Variants in PHLPP1 observed in about 807,000 individuals in gnomAD.
PHLPP1 encodes the protein PH domain and leucine rich repeat protein phosphatase 1, also known as PH domain leucine-rich repeat-containing protein phosphatase 1.
In PHLPP1, 42 loss-of-function variants were observed where a neutral mutation model predicts 117.2. That is an observed-to-expected ratio of 0.36 (90% confidence interval 0.28 to 0.46). The LOEUF (loss-of-function observed/expected upper bound fraction) is 0.46, where lower values mean the gene tolerates loss of function less well. Among genes scored for constraint, PHLPP1 ranks in the 20% least tolerant of loss-of-function variants. The pLI, the probability that PHLPP1 is intolerant of heterozygous loss-of-function variation, is 1.00. For missense variants in PHLPP1, 2,084 were observed against 2,241.9 expected (o/e 0.93, Z 1.42); for synonymous variants, 1,042 against 970.7 (o/e 1.07, Z -1.37).
rs565844248 is a variant in PHLPP1 at position 62,875,908 on chromosome 18, T to G, written c.2066+15307T>G. ...CCACCACATCCGGCTAATTTTTGTA[T>G]TTTTAGTAAAGACGGGGTTTCACCA... is the stretch of plus-strand genomic sequence containing the variant. On this transcript the variant is annotated intron_variant, in intron 4 of 16. Coordinates refer to ENST00000262719, the MANE Select transcript of PHLPP1 (RefSeq NM_194449.4). Among the ~76,000 whole-genome samples the G allele has an allele frequency of 4.6e-5, 7 of 152,110 alleles. No homozygotes were observed. In the East Asian group the frequency reaches 1.4e-3, roughly 30 times the overall value.
At chr18:62,905,476 A>G (rs1268835566) in intron 8 of PHLPP1, among the ~76,000 whole-genome samples, 192 bp downstream of exon 8, 1 of 152,224 alleles carries the variant, frequency 6.6e-6, no homozygotes, top group Non-Finnish European at 1.5e-5. Flanking sequence ...CAGAGCATCA[A>G]AGTGCCTGTG....
intron 1 of PHLPP1, among the ~76,000 whole-genome samples, chr18:62,760,384 T>G (rs903945793): frequency 1.3e-5 from 2 of 152,194 alleles, no homozygotes; most frequent in Non-Finnish European, 2.9e-5. Context: ...GATCTGTAAG[T>G]TTTCTCATCA....
At chr18:62,877,360 A>G in intron 4 of PHLPP1, among the ~76,000 whole-genome samples, 1 of 152,220 alleles carries the variant, frequency 6.6e-6, no homozygotes, top group East Asian at 1.9e-4. Flanking sequence ...ATGCTAAAAC[A>G]TTTTTGCAGT....
At chr18:62,822,280 G>GTTTTTTTTTTTTTTTTTTTTTTTTT (rs796719016) in intron 1 of PHLPP1, among the ~76,000 whole-genome samples, 2 of 95,982 alleles carry the variant, frequency 2.1e-5, no homozygotes, top group Non-Finnish European at 4.1e-5. Context: ...TTTTTTTTTT[G>GTTTTTTTTTTTTTTTTTTTTTTTTT]TTTTTGTTTT....
chr18:62,757,986 A>C lies in PHLPP1; in HGVS notation c.1576+40727A>C, dbSNP rs185390202. On this transcript the variant is annotated intron_variant, in intron 1 of 16. Coordinates refer to ENST00000262719, the MANE Select transcript of PHLPP1 (RefSeq NM_194449.4). ...TTAGTTTTCAGCTGTGGAAAGTTCT[A>C]GTTTAGGGACACTTTTAAATAAAAG... Among the ~76,000 whole-genome samples the C allele has an allele frequency of 1.1e-3, 165 of 152,316 alleles. 1 individual carries two copies. The highest frequency in any genetic ancestry group is 2.1e-3 in the Non-Finnish European group (140 of 68,030).
intron 3 of PHLPP1, among the ~76,000 whole-genome samples, chr18:62,856,156 C>T (rs1334729901): frequency 6.6e-6 from 1 of 152,148 alleles, no homozygotes; most frequent in Non-Finnish European, 1.5e-5. Flanking sequence ...GGGACTTGAG[C>T]ATCCGTGGAT....
intron 12 of PHLPP1, among the ~76,000 whole-genome samples, chr18:62,949,468 A>G (rs914978722): frequency 3.3e-5 from 5 of 152,346 alleles, no homozygotes; most frequent in Middle Eastern, 3.4e-3. Context: ...TTTTGATAAT[A>G]TCTAATGAGA....
chr18:62,945,921 C>A (rs559413134), intron 12 of PHLPP1, among the ~76,000 whole-genome samples: 2 of 152,328 alleles, frequency 1.3e-5, no homozygotes, highest in African/African-American at 4.8e-5. Context: ...GAGGTAGATT[C>A]ATGGGATGAA....
chr18:62,937,196 T>G (rs1910000293), intron 10 of PHLPP1, among the ~76,000 whole-genome samples: 1 of 151,848 alleles, frequency 6.6e-6, no homozygotes, highest in East Asian at 1.9e-4. Flanking sequence ...TATAGATGAG[T>G]CAAATGGACA....
chr18:62,768,049 C>T (rs1269347942), intron 1 of PHLPP1, among the ~76,000 whole-genome samples: 1 of 152,176 alleles, frequency 6.6e-6, no homozygotes, highest in Non-Finnish European at 1.5e-5. Flanking sequence ...ATTAGCACCT[C>T]TATATCTGGG....
At chr18:62,721,726 A>C (rs1211199326) in intron 1 of PHLPP1, among the ~76,000 whole-genome samples, 1 of 152,130 alleles carries the variant, frequency 6.6e-6, no homozygotes, top group Non-Finnish European at 1.5e-5. Flanking sequence ...GCAGGAGATG[A>C]GTGTAAATGA....
chr18:62,735,272 C>CGAGGTTTT (rs1200467094), intron 1 of PHLPP1, among the ~76,000 whole-genome samples: 1 of 151,796 alleles, frequency 6.6e-6, no homozygotes, highest in Non-Finnish European at 1.5e-5. Context: ...TTTGTAGAGA[C>CGAGGTTTT]GAGGTTTTGC....
In PHLPP1 at chr18:62,716,892, C is replaced by G; in HGVS notation, c.1209C>G (p.Pro403=). 1.3e-6 allele frequency: 2 copies of G among 1,530,434 alleles called. No homozygotes were observed. Among genetic ancestry groups the G allele is most frequent in the South Asian group, 1.2e-5 (1 of 83,510 alleles). 94.8% of individuals were successfully genotyped at this position (1,530,434 alleles called of 1,614,324 possible). Residue 403 remains proline (P), a synonymous_variant, in exon 1 of 17, where the codon CCC becomes CCG. Transcript: ENST00000262719. This position sits in a 1 kb window ranked among gnomAD's most constrained non-coding sequence, Gnocchi z 5.7. ...GCCGTCCCGGCCACCCCGCGCAGCC[C>G]CTCCCGCTTCCCCAGACGGCTTCCT... ...QPRRPGHPAQ[P]LPLPQTASSP... is the part of the protein sequence containing the mutation.
At chr18:62,973,572 T>G (rs1911111493) in intron 15 of PHLPP1, among the ~76,000 whole-genome samples, 1 of 152,086 alleles carries the variant, frequency 6.6e-6, no homozygotes. Flanking sequence ...GTTAGAGGGG[T>G]AGAAGTGGTG....
At chr18:62,897,823 C>G (rs1045531876) in intron 6 of PHLPP1, among the ~76,000 whole-genome samples, 1 of 152,170 alleles carries the variant, frequency 6.6e-6, no homozygotes, top group African/African-American at 2.4e-5. Context: ...TGCCTTAATA[C>G]TTAAAATCAA....
intron 1 of PHLPP1, among the ~76,000 whole-genome samples, chr18:62,793,127 A>G: frequency 6.6e-6 from 1 of 152,012 alleles, no homozygotes; most frequent in Non-Finnish European, 1.5e-5. Flanking sequence ...GTGAGCTGAG[A>G]TCATACCACT....
At chr18:62,725,471 T>C (rs1911042040) in intron 1 of PHLPP1, among the ~76,000 whole-genome samples, 1 of 152,158 alleles carries the variant, frequency 6.6e-6, no homozygotes, top group Non-Finnish European at 1.5e-5. Flanking sequence ...AATTGCAACT[T>C]AGCTTATTTT....
At chr18:62,772,508 G>T (rs1323385521) in intron 1 of PHLPP1, among the ~76,000 whole-genome samples, 2 of 152,096 alleles carry the variant, frequency 1.3e-5, no homozygotes, top group Non-Finnish European at 2.9e-5. Flanking sequence ...TGGCTTGAAA[G>T]ATAGTGAATT....
At chr18:62,740,177 G>T (rs933237431) in intron 1 of PHLPP1, among the ~76,000 whole-genome samples, 13 of 152,044 alleles carry the variant, frequency 8.6e-5, no homozygotes, top group African/African-American at 3.1e-4. Context: ...AGGGTGGGTA[G>T]GTCGGGAGGC....
Sources: gnomAD v4.1 joint callset for allele counts (sites outside exome capture counted in the v4.1 genomes callset) on GRCh38, gnomAD v4.1.1 for gene constraint, Gnocchi (gnomAD v3.1) non-coding constraint, MANE v1.5 for transcripts, NCBI Gene and HGNC (gene_info 2026-07-23, HGNC 2026-07-21) for gene names.